RPH3A: variants seen among roughly 807,000 people sequenced by gnomAD.
RPH3A encodes the protein rabphilin-3A.
In RPH3A, 48 loss-of-function variants were observed where a neutral mutation model predicts 102.2. The observed-to-expected ratio is 0.47, with a 90% CI of 0.37 to 0.60. The LOEUF (loss-of-function observed/expected upper bound fraction) is 0.60, where lower values mean the gene tolerates loss of function less well. RPH3A is among the 20% of genes least tolerant of loss of function. The pLI, the probability that RPH3A is intolerant of heterozygous loss-of-function variation, is 0.00. For missense variants in RPH3A, 781 were observed against 910.1 expected, an observed-to-expected ratio of 0.86 and a Z score of 1.83; for synonymous variants, 310 against 324.3, an observed-to-expected ratio of 0.96 and a Z score of 0.47.
chr12:112,868,200 C>T (rs2042643660), intron 7 of RPH3A: 1 of 486,978 alleles, frequency 2.1e-6, no homozygotes, highest in Non-Finnish European at 3.6e-6. Context: ...CTTTCTCCAT[C>T]CAAACTCCAC....
At chr12:112,745,235 GT>G (rs532938370) in intron 1 of RPH3A, among the ~76,000 whole-genome samples, 85 of 152,148 alleles carry the variant, frequency 5.6e-4, no homozygotes, top group Non-Finnish European at 1.1e-3. Flanking sequence ...ATTCTCCCCA[GT>G]GCATTTTATC....
Position 112,600,435 on chromosome 12 carries a change from G to A in RPH3A, c.-140+25116G>A, listed in dbSNP as rs192031304. On this transcript the variant is annotated intron_variant, in intron 1 of 21. Transcript: ENST00000543106. ...GGTGTGAGGTTAAGCAGTTGGGATT[G>A]TGAGACAGAGATCTGAGTTCCATCC... Among the ~76,000 whole-genome samples, 938 of 152,292 alleles carry A rather than the reference G, an allele frequency of 6.2e-3. 11 individuals are homozygous for A. Among genetic ancestry groups the A allele is most frequent in the African/African-American group, 0.022 (897 of 41,558 alleles).
intron 2 of RPH3A, among the ~76,000 whole-genome samples, chr12:112,819,079 A>G (rs2041730476): frequency 6.6e-6 from 1 of 151,856 alleles, no homozygotes; most frequent in Non-Finnish European, 1.5e-5. Flanking sequence ...GTATATATAT[A>G]TATTTGAGAT....
chr12:112,842,029 T>A, intron 4 of RPH3A: 1 of 456,082 alleles, frequency 2.2e-6, no homozygotes, highest in Admixed American at 2.3e-5. Context: ...TCAAAGAGTT[T>A]CCTGATTTCA....
chr12:112,688,953 T>C (rs1300917374), intron 1 of RPH3A, among the ~76,000 whole-genome samples: 2 of 152,238 alleles, frequency 1.3e-5, no homozygotes, highest in African/African-American at 2.4e-5. Flanking sequence ...AGTAAGTGGT[T>C]GCACACTTAC....
intron 1 of RPH3A, among the ~76,000 whole-genome samples, chr12:112,720,517 T>C (rs2040543307): frequency 6.6e-6 from 1 of 152,224 alleles, no homozygotes; most frequent in Non-Finnish European, 1.5e-5. Flanking sequence ...CAGTAAATTA[T>C]GGTGTTTGTG....
At chr12:112,849,678 A>G (rs2042290789) in intron 5 of RPH3A, among the ~76,000 whole-genome samples, 1 of 152,202 alleles carries the variant, frequency 6.6e-6, no homozygotes, top group African/African-American at 2.4e-5. Context: ...GTTCACTGCC[A>G]TATTCCCAAA....
chr12:112,676,149 C>T (rs1243917118), intron 1 of RPH3A, among the ~76,000 whole-genome samples: 1 of 152,002 alleles, frequency 6.6e-6, no homozygotes, highest in African/African-American at 2.4e-5. Flanking sequence ...TCTACGTGGG[C>T]CTCCCGTTGG....
chr12:112,844,725 C>G (rs897774487), intron 4 of RPH3A, among the ~76,000 whole-genome samples: 5 of 152,196 alleles, frequency 3.3e-5, no homozygotes, highest in African/African-American at 1.2e-4. Context: ...GACTGGGTTT[C>G]CTAGTTATCT....
chr12:112,680,497 C>T (rs2040218970), intron 1 of RPH3A, among the ~76,000 whole-genome samples: 2 of 152,034 alleles, frequency 1.3e-5, no homozygotes, highest in African/African-American at 2.4e-5. Context: ...AAACTGAGGC[C>T]CGGAGAAGTC....
chr12:112,684,436 CTTTTTTT>C (rs1218048388), intron 1 of RPH3A, among the ~76,000 whole-genome samples: 1 of 144,540 alleles, frequency 6.9e-6, no homozygotes, highest in Non-Finnish European at 1.5e-5. Flanking sequence ...TTTTTGTTTT[CTTTTTTT>C]TTTTAGTAGA....
In RPH3A at chr12:112,642,962, G is replaced by A. The variant is rs557567981; in HGVS notation, c.-140+67643G>A. ...ACTGGCGTCTAGTGAGTAGAGGTCA[G>A]GGGTGCTGCTCAATGTACTACAATG... On this transcript the variant is annotated intron_variant, in intron 1 of 21. Coordinates refer to the RPH3A transcript ENST00000543106. 2.6e-5 allele frequency among the ~76,000 whole-genome samples: 4 copies of A among 152,286 alleles called. No individual in the cohort carries two copies. The South Asian group carries it at 8.3e-4, about 32-fold the overall frequency.
At chr12:112,757,526 C>T (rs914855083) in intron 1 of RPH3A, among the ~76,000 whole-genome samples, 9 of 152,132 alleles carry the variant, frequency 5.9e-5, no homozygotes, top group Middle Eastern at 3.4e-3. Context: ...CTGATTACCC[C>T]GATTTGGTCA....
intron 1 of RPH3A, among the ~76,000 whole-genome samples, chr12:112,689,807 C>T (rs2040293366): frequency 6.6e-6 from 1 of 152,174 alleles, no homozygotes; most frequent in Admixed American, 6.5e-5. Flanking sequence ...GAATGGATCA[C>T]TTGCATTGCT....
At chr12:112,809,167 G>T (rs1161375219) in intron 2 of RPH3A, among the ~76,000 whole-genome samples, 1 of 152,160 alleles carries the variant, frequency 6.6e-6, no homozygotes, top group Non-Finnish European at 1.5e-5. Context: ...CTAAGGATGG[G>T]ACTTGCAACA....
At chr12:112,848,189 T>C (rs1043299198) in intron 5 of RPH3A, among the ~76,000 whole-genome samples, 1 of 151,818 alleles carries the variant, frequency 6.6e-6, no homozygotes, top group African/African-American at 2.4e-5. Flanking sequence ...GCGGGGTGGG[T>C]GTGAGCATCA....
At chr12:112,649,092 C>T (rs1252631171) in intron 1 of RPH3A, among the ~76,000 whole-genome samples, 2 of 152,236 alleles carry the variant, frequency 1.3e-5, no homozygotes, top group Non-Finnish European at 2.9e-5. Flanking sequence ...AGATTACAGG[C>T]ATGGGCCAGC....
intron 1 of RPH3A, among the ~76,000 whole-genome samples, chr12:112,747,311 C>T (rs1305203564): frequency 1.3e-5 from 2 of 152,160 alleles, no homozygotes; most frequent in Admixed American, 6.5e-5. Flanking sequence ...GACCCCTTGC[C>T]CTTCCACCAT....
chr12:112,861,945 G>A (rs180940233), intron 5 of RPH3A, among the ~76,000 whole-genome samples: 177 of 147,838 alleles, frequency 1.2e-3, no homozygotes, highest in Non-Finnish European at 2.0e-3. Flanking sequence ...CCTGGGAGGC[G>A]GAGTTTGCAG....
Sources: allele counts gnomAD v4.1 joint callset (sites outside exome capture counted in the v4.1 genomes callset), GRCh38; gene constraint gnomAD v4.1.1; transcripts MANE v1.5; gene names NCBI Gene and HGNC (gene_info 2026-07-23, HGNC 2026-07-21).